Variants in TRPA1 observed in about 807,000 individuals in gnomAD.
TRPA1 encodes the protein ankyrin-like with transmembrane domains 1.
Under a neutral mutation model 131.3 loss-of-function variants are expected in TRPA1, and 129 were observed. That is an observed-to-expected ratio of 0.98 (90% confidence interval 0.85 to 1.14). TRPA1 has a LOEUF of 1.14. Among genes scored for constraint, TRPA1 ranks in the 50% most tolerant of loss-of-function variants. TRPA1 has a pLI of 0.00. For synonymous variants in TRPA1, 441 were observed against 451.7 expected, an observed-to-expected ratio of 0.98 and a Z score of 0.30; for missense variants, 1,304 against 1,354.2, an observed-to-expected ratio of 0.96 and a Z score of 0.58.
At chr8:72,052,995 G>GTGTGTGTGTGTGTGTGAT (rs71265966) in intron 13 of TRPA1, 7 of 351,494 alleles carry the variant, frequency 2.0e-5, no homozygotes, top group East Asian at 1.2e-4. Flanking sequence ...GTGTGTGTGT[G>GTGTGTGTGTGTGTGTGAT]AGAGATAGAG....
chr8:72,078,333 C>A (rs1727565092), upstream of TRPA1, among the ~76,000 whole-genome samples: 1 of 152,070 alleles, frequency 6.6e-6, no homozygotes, highest in Admixed American at 6.5e-5. Context: ...CAACTATCTC[C>A]ACAATCCAGT....
chr8:72,041,268 G>A (rs907950562), intron 17 of TRPA1: 8 of 151,944 alleles, frequency 5.3e-5, no homozygotes, highest in Admixed American at 4.6e-4. Context: ...AATGGTAGGC[G>A]ACTTCACTAT....
rs564474928 is a variant in TRPA1 at position 72,049,992 on chromosome 8, A to T, written c.1905+786T>A. Among the ~76,000 whole-genome samples the T allele has an allele frequency of 1.4e-4, 21 of 151,986 alleles. No homozygotes were observed. In the South Asian group the frequency reaches 2.5e-3, roughly 18 times the overall value. On this transcript the variant is annotated intron_variant, in intron 15 of 26. Transcript: ENST00000262209. ...TACCTTAAGTTCTAGGGTATGCACA[A>T]CGTGCAGGTTTGTTACATGTATACA...
Position 72,069,127 on chromosome 8 carries a change from C to G in TRPA1, c.340G>C (p.Val114Leu), listed in dbSNP as rs150139289. 1 of 1,614,178 alleles carries G rather than the reference C, an allele frequency of 6.2e-7. No individual in the cohort carries two copies. The highest frequency in any genetic ancestry group is 1.7e-5 in the Admixed American group (1 of 60,034). Residue 114 changes from valine (V) to leucine (L), a missense_variant, in exon 3 of 27, where the codon GTT becomes CTT. Coordinates refer to ENST00000262209, the MANE Select transcript of TRPA1 (RefSeq NM_007332.3). ...GCTCCTCTGCTGAGAAGAAACTTAA[C>G]GCTTTCAATTTGGTTTTTTTCTACA... ...CAVEKNQIES[V>L]KFLLSRGANP...
chr8:72,033,818 G>A lies in TRPA1; in HGVS notation c.2694C>T (p.Phe898=). 6.2e-7 allele frequency: 1 copy of A among 1,613,940 alleles called. No homozygotes were observed. Among genetic ancestry groups the A allele is most frequent in the Non-Finnish European group, 8.5e-7 (1 of 1,179,892 alleles). The change falls in exon 23 of 27, where the codon TTC becomes TTT. Residue 898 remains phenylalanine (F), a synonymous_variant. Coordinates refer to ENST00000262209, the MANE Select transcript of TRPA1 (RefSeq NM_007332.3). ...FYILLNLQDP[F]SSPLLSIIQT... ...GGATTATAGAAAGCAATGGAGAGCT[G>A]AAGGGATCCTGAAAGCAGACGGTGA...
chr8:72,055,888 T>A, intron 10 of TRPA1, 33 bp from the exon 11 acceptor site: 1 of 1,603,476 alleles, frequency 6.2e-7, no homozygotes, highest in Non-Finnish European at 8.5e-7. Context: ...TACAAATAAC[T>A]CTGCTATTAT....
chr8:72,070,421 G>T (rs901375192), intron 2 of TRPA1, among the ~76,000 whole-genome samples: 1 of 152,076 alleles, frequency 6.6e-6, no homozygotes, highest in Admixed American at 6.6e-5. Flanking sequence ...TCCATTTGGC[G>T]CAAAACTTAA....
rs553494304 is a variant in TRPA1, at chr8:72,068,531, T to A, written c.444+492A>T. Among the ~76,000 whole-genome samples, 193 of 152,354 alleles carry A rather than the reference T, an allele frequency of 1.3e-3. 1 individual carries two copies. The highest frequency in any genetic ancestry group is 3.4e-3 in the Middle Eastern group (1 of 294). On this transcript the variant is annotated intron_variant, in intron 3 of 26. Transcript: ENST00000262209. ...TCTAACAAAAATAGAGAATCATAAT[T>A]ATGTTTTCTGTTTTCACTGAGTCTC...
At chr8:72,082,683 CT>C in the TRPA1 span, among the ~76,000 whole-genome samples, 704 of 146,824 alleles carry the variant, frequency 4.8e-3, 4 homozygotes, top group African/African-American at 0.015. Context: ...AACAAATTAT[CT>C]TTTTTTTTTT....
chr8:72,060,743 T>G (rs987943121), intron 7 of TRPA1, among the ~76,000 whole-genome samples: 3 of 152,178 alleles, frequency 2.0e-5, no homozygotes, highest in Admixed American at 6.5e-5. Flanking sequence ...TATTAAATTT[T>G]AGGTTGCAAA....
chr8:72,083,999 T>C, the TRPA1 span, among the ~76,000 whole-genome samples: 1 of 152,194 alleles, frequency 6.6e-6, no homozygotes, highest in African/African-American at 2.4e-5. Context: ...AAGCTGAACA[T>C]ATAATCATAG....
chr8:72,072,520 T>G (rs1276551840), intron 1 of TRPA1, among the ~76,000 whole-genome samples: 1 of 152,200 alleles, frequency 6.6e-6, no homozygotes, highest in Non-Finnish European at 1.5e-5. Context: ...CTAAAAAAAA[T>G]TAAATTCCAT....
intron 15 of TRPA1, among the ~76,000 whole-genome samples, chr8:72,049,936 ATTT>A (rs111426953): frequency 6.6e-6 from 1 of 150,476 alleles, no homozygotes; most frequent in Non-Finnish European, 1.5e-5. Context: ...ATTTTATTTT[ATTT>A]TTTTTTTTAA....
rs1811745644 is a variant in TRPA1 at position 72,029,887 on chromosome 8, G to A, written c.2937+14C>T. ...AAGATAACACTGTAATAAGTGGGGA[G>A]GCACTGCACTTACCTGCATAGCTAT... On this transcript the variant is annotated intron_variant, in intron 24 of 26. Transcript: ENST00000262209. 3 of 1,612,662 alleles carry A rather than the reference G, an allele frequency of 1.9e-6. No individual in the cohort carries two copies. The highest frequency in any genetic ancestry group is 4.5e-5 in the East Asian group (2 of 44,856).
upstream of TRPA1, among the ~76,000 whole-genome samples, chr8:72,079,376 AT>A (rs1426211276): frequency 6.6e-6 from 1 of 151,938 alleles, no homozygotes; most frequent in East Asian, 1.9e-4. Flanking sequence ...TTTTGAGTTA[AT>A]TTTTTGTTCG....
At chr8:72,082,347 C>T in the TRPA1 span, among the ~76,000 whole-genome samples, 1 of 151,910 alleles carries the variant, frequency 6.6e-6, no homozygotes, top group African/African-American at 2.4e-5. Context: ...TATAATTCTT[C>T]TTTTTAAACA....
chr8:72,075,712 C>G, upstream of TRPA1: 1 of 445,014 alleles, frequency 2.2e-6, no homozygotes. Context: ...CTCGCCCCTT[C>G]AGGGACAAAG....
chr8:72,023,944 G>A, intron 25 of TRPA1, 33 bp from the exon 26 acceptor site: 6 of 1,417,434 alleles, frequency 4.2e-6, no homozygotes, highest in Non-Finnish European at 5.0e-6. Flanking sequence ...TACTCAAATT[G>A]AATTCAATTC....
At chr8:72,078,429 C>T (rs1481928544), upstream of TRPA1, among the ~76,000 whole-genome samples, 2 of 152,134 alleles carry the variant, frequency 1.3e-5, no homozygotes, top group Admixed American at 1.3e-4. Flanking sequence ...AAGCAACCTT[C>T]AATCTGTCTT....
Sources: allele counts gnomAD v4.1 joint callset (sites outside exome capture counted in the v4.1 genomes callset), GRCh38; gene constraint gnomAD v4.1.1; transcripts MANE v1.5; gene names NCBI Gene and HGNC (gene_info 2026-07-23, HGNC 2026-07-21).